Variants in RSF1 observed in about 807,000 individuals in gnomAD.
RSF1 encodes the protein remodeling and spacing factor 1.
Under a neutral mutation model 145.2 loss-of-function variants are expected in RSF1, and 13 were observed. The ratio of observed to expected loss-of-function variants is 0.09; its 90% CI spans 0.06 to 0.14. RSF1 has a LOEUF of 0.14. Among genes scored for constraint, RSF1 ranks in the 10% least tolerant of loss-of-function variants. The pLI is 1.00. For missense variants in RSF1, 1,517 were observed against 1,718.2 expected (o/e 0.88, Z 2.07); for synonymous variants, 577 against 592.6 (o/e 0.97, Z 0.38).
In RSF1 at chr11:77,775,415, A is replaced by C. The variant is rs1318133686; in HGVS notation, c.188-10726T>G. On this transcript the variant is annotated intron_variant, in intron 1 of 15. Coordinates refer to ENST00000308488, the MANE Select transcript of RSF1 (RefSeq NM_016578.4). ...AGAGCACTGTGGGAGCGAACAGGTG[A>C]TATCACTAACCGAAGAGGGCTCATT... Among the ~76,000 whole-genome samples, 3 of 152,310 alleles carry C rather than the reference A, an allele frequency of 2.0e-5. No individual in the cohort carries two copies. In the East Asian group the frequency reaches 5.8e-4, roughly 29 times the overall value.
intron 4 of RSF1, among the ~76,000 whole-genome samples, chr11:77,733,112 G>A (rs1407336823): frequency 1.3e-5 from 2 of 152,156 alleles, no homozygotes; most frequent in Admixed American, 6.5e-5. Flanking sequence ...TATAGGTTAT[G>A]GGATAATAGT....
chr11:77,683,623 G>C, intron 11 of RSF1, 87 bp downstream of exon 11: 1 of 793,972 alleles, frequency 1.3e-6, no homozygotes, highest in African/African-American at 1.7e-5. Context: ...TAATCAGCAT[G>C]ATAGAAAAAG....
chr11:77,721,221 C>T (rs1355452109), intron 5 of RSF1, among the ~76,000 whole-genome samples: 4 of 152,174 alleles, frequency 2.6e-5, no homozygotes, highest in African/African-American at 9.7e-5. Context: ...TTTGCTTCAA[C>T]ACTCTATGTT....
In RSF1 at chr11:77,673,002, T is replaced by A. The variant is rs1220690426; in HGVS notation, c.3563-772A>T. ...CCAGCCTAAATGTTTTATACTTTTT[T>A]AGAAATAGTCCTTACTGCAGTCGAC... On this transcript the variant is annotated intron_variant, in intron 14 of 15. Transcript: ENST00000308488. Among the ~76,000 whole-genome samples the A allele has an allele frequency of 3.3e-4, 50 of 152,178 alleles. 1 individual carries two copies. Among genetic ancestry groups the A allele is most frequent in the Admixed American group, 3.3e-3 (50 of 15,266 alleles).
At chr11:77,779,216 T>C (rs1266176931) in intron 1 of RSF1, among the ~76,000 whole-genome samples, 1 of 151,766 alleles carries the variant, frequency 6.6e-6, no homozygotes, top group Non-Finnish European at 1.5e-5. Context: ...AGGCCATTTA[T>C]TTATTTTTAG....
chr11:77,699,722 T>C (rs1960368045), intron 6 of RSF1, among the ~76,000 whole-genome samples: 1 of 152,222 alleles, frequency 6.6e-6, no homozygotes, highest in South Asian at 2.1e-4. Context: ...ACTTAAAATA[T>C]ACATGTCCCT....
chr11:77,786,234 C>A (rs1466909637), intron 1 of RSF1, among the ~76,000 whole-genome samples: 1 of 152,092 alleles, frequency 6.6e-6, no homozygotes, highest in Non-Finnish European at 1.5e-5. Flanking sequence ...TTTATCCCCA[C>A]AAATACTATG....
At chr11:77,861,575 C>T in the RSF1 span, among the ~76,000 whole-genome samples, 501 of 152,300 alleles carry the variant, frequency 3.3e-3, 3 homozygotes, top group African/African-American at 0.011. Context: ...ACTCAGAGGA[C>T]CTTCGTCCCC....
intron 4 of RSF1, among the ~76,000 whole-genome samples, chr11:77,728,035 A>C (rs1441593686): frequency 6.6e-6 from 1 of 152,194 alleles, no homozygotes; most frequent in Non-Finnish European, 1.5e-5. Flanking sequence ...CTATGTACAG[A>C]ATATTTTAGA....
At chr11:77,677,207 A>G (rs925744806) in intron 12 of RSF1, 2 of 546,494 alleles carry the variant, frequency 3.7e-6, no homozygotes, top group Non-Finnish European at 6.4e-6. Context: ...GAAGTTTACT[A>G]TGTAGGGAAC....
rs4945197 is a variant in RSF1, at chr11:77,667,343, T to C, written c.3900A>G (p.Leu1300=). ...EEEGKPSRKR[L]HRIETDEEES... ...CCTCCTCATCCGTCTCAATCCGGTG[T>C]AGCCGTTTGCGGGATGGTTTGCCTT... The change falls in exon 16 of 16, where the codon CTA becomes CTG. Residue 1300 remains leucine, a synonymous_variant. Coordinates refer to ENST00000308488, the MANE Select transcript of RSF1 (RefSeq NM_016578.4). 0.13 allele frequency: 205,078 copies of C among 1,613,888 alleles called. 15,588 individuals are homozygous for C. The highest frequency in any genetic ancestry group is 0.31 in the African/African-American group (23,277 of 74,922).
chr11:77,746,034 C>T (rs936943178), intron 3 of RSF1, among the ~76,000 whole-genome samples: 1 of 151,986 alleles, frequency 6.6e-6, no homozygotes, highest in Non-Finnish European at 1.5e-5. Flanking sequence ...TTTTCAGTAG[C>T]ATCCCCCTAA....
At chr11:77,696,231 C>A (rs1449442468) in intron 7 of RSF1, among the ~76,000 whole-genome samples, 3 of 152,180 alleles carry the variant, frequency 2.0e-5, no homozygotes, top group East Asian at 3.8e-4. Flanking sequence ...TTCTACTCTG[C>A]AGTAAAGGCA....
rs886098359 is a variant in RSF1, at chr11:77,696,832, A to G, written c.2715+1655T>C. On this transcript the variant is annotated intron_variant, in intron 7 of 15. Coordinates refer to ENST00000308488, the MANE Select transcript of RSF1 (RefSeq NM_016578.4). ...TCTTCTCAGCATAATTTCAACATCT[A>G]TTCTTCTCAGAGCTCAAGTCATTCT... 3.3e-5 allele frequency among the ~76,000 whole-genome samples: 5 copies of G among 152,212 alleles called. No homozygotes were observed. The South Asian group carries it at 1.0e-3, about 31-fold the overall frequency.
Position 77,665,551 on chromosome 11 carries a change from A to T in RSF1, c.*1366T>A, listed in dbSNP as rs1045578936. 6.6e-6 allele frequency: 1 copy of T among 152,156 alleles called. No individual in the cohort carries two copies. Among genetic ancestry groups the T allele is most frequent in the Non-Finnish European group, 1.5e-5 (1 of 68,036 alleles). The allele number at this position is 152,156 out of a possible 1,614,324, so 9.4% of individuals were successfully genotyped here. A position where few individuals can be genotyped will look rare whatever the true frequency, so the allele number is the denominator to read the frequency against. On this transcript the variant is annotated 3_prime_UTR_variant, in exon 16 of 16. Transcript: ENST00000308488. ...ATGTTAGGTATTTAGTTAGTTACAA[A>T]CCCTTTTTTCTTGAAACAAAGGGCT...
chr11:77,694,400 A>G (rs1249715911), intron 7 of RSF1, among the ~76,000 whole-genome samples: 1 of 152,226 alleles, frequency 6.6e-6, no homozygotes, highest in Non-Finnish European at 1.5e-5. Flanking sequence ...GAATACAACT[A>G]CATTCAGAAC....
chr11:77,800,142 G>A (rs928051209), intron 1 of RSF1, among the ~76,000 whole-genome samples: 14 of 152,026 alleles, frequency 9.2e-5, no homozygotes, highest in African/African-American at 3.1e-4. Context: ...CCTGGGTGAC[G>A]TGGCAAGACC....
At chr11:77,692,699 G>A (rs1257123886) in intron 8 of RSF1, among the ~76,000 whole-genome samples, 2 of 140,386 alleles carry the variant, frequency 1.4e-5, no homozygotes, top group Admixed American at 7.2e-5. Context: ...TTTTTTTTGA[G>A]ACAGAGTCTT....
intron 1 of RSF1, among the ~76,000 whole-genome samples, chr11:77,784,304 TAA>T (rs1261263068): frequency 2.0e-5 from 3 of 152,230 alleles, no homozygotes; most frequent in Non-Finnish European, 4.4e-5. Flanking sequence ...GTAATTTATT[TAA>T]GATACTATTA....
Sources: allele counts gnomAD v4.1 joint callset (sites outside exome capture counted in the v4.1 genomes callset), GRCh38; gene constraint gnomAD v4.1.1; transcripts MANE v1.5; gene names NCBI Gene and HGNC (gene_info 2026-07-23, HGNC 2026-07-21).